LRP5: variants seen among roughly 807,000 people sequenced by gnomAD.
The protein encoded by LRP5 is LDL receptor related protein 5.
A neutral mutation model predicts 154.1 loss-of-function variants in LRP5; 62 were observed. The observed-to-expected ratio is 0.40, with a 90% confidence interval of 0.33 to 0.50. The LOEUF (loss-of-function observed/expected upper bound fraction) is 0.50. Among genes scored for constraint, LRP5 ranks in the 20% least tolerant of loss-of-function variants. The pLI, the probability that LRP5 is intolerant of heterozygous loss-of-function variation, is 0.55. For synonymous variants in LRP5, 966 were observed against 1,011.5 expected (o/e 0.96, Z 0.85); for missense variants, 1,915 against 2,336.7 (o/e 0.82, Z 3.72).
chr11:68,303,035 G>A, the LRP5 span, among the ~76,000 whole-genome samples: 1 of 152,222 alleles, frequency 6.6e-6, no homozygotes, highest in Admixed American at 6.5e-5. Context: ...GGCAGCTGAG[G>A]TGGGAGGAAC....
At chr11:68,381,783 G>A (rs547324496) in intron 5 of LRP5, among the ~76,000 whole-genome samples, 113 of 152,176 alleles carry the variant, frequency 7.4e-4, no homozygotes, top group Non-Finnish European at 1.2e-3. Context: ...CTTCTTTATA[G>A]CCCGGCACAG....
intron 7 of LRP5, among the ~76,000 whole-genome samples, chr11:68,394,777 T>G (rs1270989461): frequency 1.3e-5 from 2 of 152,148 alleles, no homozygotes; most frequent in Non-Finnish European, 1.5e-5. Context: ...TTTCCCACTT[T>G]AAGAATCTGT....
Position 68,380,972 on chromosome 11 carries a change from A to T in LRP5, c.1016-5344A>T, listed in dbSNP as rs141582726. On this transcript the variant is annotated intron_variant, in intron 5 of 22. Coordinates refer to ENST00000294304, the MANE Select transcript of LRP5 (RefSeq NM_002335.4). Reference sequence around the variant, plus strand: ...CCTGTGTATGTGATCTAATTTGGAAACAGGGTCTTGGCAGATGTAATCAAG... The same window carrying T: ...CCTGTGTATGTGATCTAATTTGGAATCAGGGTCTTGGCAGATGTAATCAAG... Among the ~76,000 whole-genome samples, 7 of 152,344 alleles carry T rather than the reference A, an allele frequency of 4.6e-5. No homozygotes were observed. In the East Asian group the frequency reaches 1.4e-3, roughly 29 times the overall value.
chr11:68,434,167 C>T (rs765038381), intron 18 of LRP5, among the ~76,000 whole-genome samples: 5 of 152,162 alleles, frequency 3.3e-5, no homozygotes, highest in Non-Finnish European at 7.3e-5. Context: ...CCCCAAAAGA[C>T]AGTGCTGTCT....
At chr11:68,322,548 G>A (rs990016418) in intron 1 of LRP5, among the ~76,000 whole-genome samples, 2 of 152,238 alleles carry the variant, frequency 1.3e-5, no homozygotes, top group East Asian at 3.8e-4. Flanking sequence ...CCCCTGGTGT[G>A]GGCACTTCTC....
At position 68,312,652 on chromosome 11, in the gene LRP5, C is replaced by T; in HGVS notation, c.-63C>T. The T allele has an allele frequency of 1.4e-6, 1 of 730,616 alleles. No individual in the cohort carries two copies. The highest frequency in any genetic ancestry group is 5.8e-5 in the South Asian group (1 of 17,216). The allele number at this position is 730,616 out of a possible 1,614,324, so 45.3% of individuals were successfully genotyped here. ...AGGCGCCGGGAGCCGCGCGAGGAGCCGCCGCCGCCGCGCCATGGAGCCCGA... is the reference window on the plus strand; with the variant it reads ...AGGCGCCGGGAGCCGCGCGAGGAGCTGCCGCCGCCGCGCCATGGAGCCCGA... On this transcript the variant is annotated 5_prime_UTR_variant, in exon 1 of 23. Coordinates refer to ENST00000294304, the MANE Select transcript of LRP5 (RefSeq NM_002335.4).
chr11:68,411,530 C>T lies in LRP5; in HGVS notation c.2413C>T (p.Arg805Trp), dbSNP rs765952535. The T allele has an allele frequency of 1.9e-5, 31 of 1,613,642 alleles. No homozygotes were observed. The highest frequency in any genetic ancestry group is 2.5e-5 in the Non-Finnish European group (30 of 1,180,036). The stretch of plus-strand genomic sequence containing the variant: ...CATGACGCTGGTGGACAAGGTGGGC[C>T]GGGCCAACGACCTCACCATTGACTA... Reference protein sequence around the residue: ...NCMTLVDKVGRANDLTIDYAD... With the variant: ...NCMTLVDKVGWANDLTIDYAD... Residue 805 changes from arginine (R) to tryptophan (W), a missense_variant, in exon 11 of 23, where the codon CGG becomes TGG. Arg to Trp is a moderately radical substitution (Grantham distance 101). Coordinates refer to ENST00000294304, the MANE Select transcript of LRP5 (RefSeq NM_002335.4).
At position 68,397,968 on chromosome 11, in the gene LRP5, G is replaced by GTGTT. The variant is rs1280564582; in HGVS notation, c.1585-5511_1585-5508dup. Among the ~76,000 whole-genome samples the GTGTT allele has an allele frequency of 3.2e-4, 44 of 139,408 alleles. 1 individual carries two copies. In the East Asian group the frequency reaches 6.3e-3, roughly 20 times the overall value. 91.5% of individuals were successfully genotyped at this position (139,408 alleles called of 152,430 possible). ...GGGCTTTGGCACTGCAGAGCTGTGT[G>GTGTT]TGTTTGTGTGTGTGTGTGTGTGTGT... On this transcript the variant is annotated intron_variant, in intron 7 of 22. Transcript: ENST00000294304.
At chr11:68,401,935 C>T (rs1565078415) in intron 7 of LRP5, among the ~76,000 whole-genome samples, 2 of 152,222 alleles carry the variant, frequency 1.3e-5, no homozygotes, top group African/African-American at 4.8e-5. Context: ...TCAAATGATC[C>T]GCCTGCCTCG....
intron 21 of LRP5, among the ~76,000 whole-genome samples, chr11:68,441,223 A>T (rs1180311707): frequency 6.6e-6 from 1 of 152,062 alleles, no homozygotes; most frequent in African/African-American, 2.4e-5. Context: ...GACTGCACGC[A>T]TGCATCCCCA....
In LRP5 at chr11:68,373,397, G is replaced by GC. The variant is rs541448309; in HGVS notation, c.1015+7699dup. 8.3e-4 allele frequency among the ~76,000 whole-genome samples: 125 copies of GC among 151,342 alleles called. 1 individual carries two copies. In the South Asian group the frequency reaches 0.021, roughly 26 times the overall value. ...TAGGGATGCGTTGGTGGCGGGGGGG[G>GC]CCCCGCACTGCTGTGTGCCTTCAAG... On this transcript the variant is annotated intron_variant, in intron 5 of 22. Transcript: ENST00000294304.
chr11:68,421,843 G>A (rs914160510), intron 13 of LRP5, among the ~76,000 whole-genome samples: 6 of 151,762 alleles, frequency 4.0e-5, no homozygotes, highest in African/African-American at 1.5e-4. Context: ...GTGTGTGTGT[G>A]TGTATGGGGG....
intron 1 of LRP5, among the ~76,000 whole-genome samples, chr11:68,321,228 CTG>C (rs1327934797): frequency 6.6e-6 from 1 of 152,174 alleles, no homozygotes; most frequent in East Asian, 1.9e-4. Flanking sequence ...AGACCCTTCA[CTG>C]TGCTCCACTG....
intron 7 of LRP5, among the ~76,000 whole-genome samples, chr11:68,396,777 G>T (rs1020966910): frequency 5.9e-5 from 9 of 152,164 alleles, no homozygotes; most frequent in African/African-American, 2.2e-4. Flanking sequence ...ATCAGTGACA[G>T]CTGGGAGTGG....
At chr11:68,416,054 CAA>C (rs528947020) in intron 12 of LRP5, among the ~76,000 whole-genome samples, 3 of 146,476 alleles carry the variant, frequency 2.0e-5, no homozygotes, top group African/African-American at 7.5e-5. Flanking sequence ...GACTCCATCT[CAA>C]AAAAAAAATA....
At chr11:68,349,915 G>A (rs1168873789) in intron 2 of LRP5, among the ~76,000 whole-genome samples, 1 of 152,186 alleles carries the variant, frequency 6.6e-6, no homozygotes. Context: ...TCTGTGCTGG[G>A]TCAGTGTCAG....
chr11:68,389,315 CACTG>C (rs1427976642), intron 6 of LRP5, among the ~76,000 whole-genome samples: 1 of 152,212 alleles, frequency 6.6e-6, no homozygotes, highest in Non-Finnish European at 1.5e-5. Context: ...CATTTACTGA[CACTG>C]ACATCTACTG....
At chr11:68,375,797 C>T (rs1370982523) in intron 5 of LRP5, among the ~76,000 whole-genome samples, 15 of 152,182 alleles carry the variant, frequency 9.9e-5, no homozygotes, top group Admixed American at 3.3e-4. Context: ...TCTGATTGAA[C>T]GGAAATCAGA....
At chr11:68,320,355 C>T (rs556563372) in intron 1 of LRP5, among the ~76,000 whole-genome samples, 1 of 152,262 alleles carries the variant, frequency 6.6e-6, no homozygotes, top group African/African-American at 2.4e-5. Context: ...ATTTGCACAA[C>T]CCTCATTTCT....
Sources: allele counts gnomAD v4.1 joint callset (sites outside exome capture counted in the v4.1 genomes callset), GRCh38; gene constraint gnomAD v4.1.1; transcripts MANE v1.5; gene names NCBI Gene and HGNC (gene_info 2026-07-23, HGNC 2026-07-21).